Variants in GLDC observed in about 807,000 individuals in gnomAD.
GLDC encodes glycine decarboxylase, also known as glycine dehydrogenase (decarboxylating), mitochondrial.
Under a neutral mutation model 121.3 loss-of-function variants are expected in GLDC, and 104 were observed. The observed-to-expected ratio is 0.86, with a 90% CI of 0.73 to 1.01. The LOEUF is 1.01. GLDC is among the 50% of genes least tolerant of loss of function. The pLI is 0.00. For missense variants in GLDC, 1,429 were observed against 1,306.6 expected, an observed-to-expected ratio of 1.09 and a Z score of -1.44; for synonymous variants, 546 against 480.6, an observed-to-expected ratio of 1.14 and a Z score of -1.78.
intron 2 of GLDC, among the ~76,000 whole-genome samples, chr9:6,640,463 G>C (rs1276025772): frequency 6.6e-6 from 1 of 152,194 alleles, no homozygotes; most frequent in African/African-American, 2.4e-5. Context: ...CCCAACTAGG[G>C]TGACAAAGCC....
intron 15 of GLDC, among the ~76,000 whole-genome samples, chr9:6,585,331 G>A (rs764198198): frequency 2.0e-5 from 3 of 152,300 alleles, no homozygotes; most frequent in East Asian, 1.9e-4. Flanking sequence ...ACTAGAGGGC[G>A]AAATTTCTTA....
intron 6 of GLDC, 72 bp from the exon 7 acceptor site, chr9:6,604,856 ATCTT>A: frequency 8.1e-7 from 1 of 1,240,900 alleles, no homozygotes. Context: ...GTAGGAAATT[ATCTT>A]AACTACAGGA....
intron 1 of GLDC, 193 bp from the exon 2 acceptor site, chr9:6,644,885 C>T (rs181360342): frequency 3.1e-6 from 2 of 637,424 alleles, no homozygotes; most frequent in African/African-American, 3.7e-5. Context: ...GTGGAGATTC[C>T]GCCACTCGGG....
chr9:6,595,834 A>C (rs897173538), intron 8 of GLDC, among the ~76,000 whole-genome samples: 1 of 152,196 alleles, frequency 6.6e-6, no homozygotes, highest in Admixed American at 6.5e-5. Context: ...GTCTCTGCAA[A>C]ATACAGTTGA....
intron 15 of GLDC, 127 bp downstream of exon 15, chr9:6,587,014 G>A: frequency 1.3e-6 from 1 of 785,556 alleles, no homozygotes. Context: ...GCTCTCCCCA[G>A]TGGAGTGGAA....
At chr9:6,551,564 A>G (rs1480973736) in intron 20 of GLDC, among the ~76,000 whole-genome samples, 1 of 152,240 alleles carries the variant, frequency 6.6e-6, no homozygotes, top group Non-Finnish European at 1.5e-5. Context: ...AGAGAATGAG[A>G]GAGCACCAAA....
intron 11 of GLDC, among the ~76,000 whole-genome samples, chr9:6,590,966 A>C (rs1818364048): frequency 6.6e-6 from 1 of 152,192 alleles, no homozygotes; most frequent in African/African-American, 2.4e-5. Flanking sequence ...AGCACTCTGG[A>C]AGGTATTTCT....
intron 19 of GLDC, among the ~76,000 whole-genome samples, chr9:6,553,842 T>C (rs1272562509): frequency 1.3e-5 from 2 of 152,012 alleles, no homozygotes; most frequent in African/African-American, 2.4e-5. Context: ...TTTCCCAAGA[T>C]GGACATAGGA....
intron 16 of GLDC, among the ~76,000 whole-genome samples, chr9:6,561,863 G>A (rs947913378): frequency 2.0e-5 from 3 of 152,200 alleles, no homozygotes; most frequent in Non-Finnish European, 4.4e-5. Flanking sequence ...GAGATCTCCT[G>A]TGCAAGGGAA....
At chr9:6,588,595 G>C in intron 13 of GLDC, 23 bp downstream of exon 13, 1 of 1,583,044 alleles carries the variant, frequency 6.3e-7, no homozygotes, top group Non-Finnish European at 8.7e-7. Flanking sequence ...TTGGAAATGA[G>C]AAAAAAGGCC....
Position 6,621,978 on chromosome 9 carries a change from G to A in GLDC, c.335-1659C>T, listed in dbSNP as rs1658945. Among the ~76,000 whole-genome samples, 526 of 152,170 alleles carry A rather than the reference G, an allele frequency of 3.5e-3. 3 individuals are homozygous for A. Among genetic ancestry groups the A allele is most frequent in the African/African-American group, 0.012 (509 of 41,504 alleles). On this transcript the variant is annotated intron_variant, in intron 2 of 24. Transcript: ENST00000321612. Reference sequence around the variant, plus strand: ...TGGGGACTCAGTCACTTAACCCTGGGAATTGATTATTTTATTTTTCCTCTA... The same window carrying A: ...TGGGGACTCAGTCACTTAACCCTGGAAATTGATTATTTTATTTTTCCTCTA...
At position 6,547,511 on chromosome 9, in the gene GLDC, T is replaced by C. The variant is rs191533906; in HGVS notation, c.2569+3292A>G. 2.5e-3 allele frequency among the ~76,000 whole-genome samples: 385 copies of C among 152,316 alleles called. 2 individuals are homozygous for C. The highest frequency in any genetic ancestry group is 9.0e-3 in the African/African-American group (373 of 41,576). ...CTGTGTGATGGCCACTCTCATATGT[T>C]ATCACTGTGAGATAAATTGGCACAA... On this transcript the variant is annotated intron_variant, in intron 21 of 24. Coordinates refer to ENST00000321612, the MANE Select transcript of GLDC (RefSeq NM_000170.3).
At chr9:6,644,552 A>C in intron 2 of GLDC, 62 bp downstream of exon 2, 1 of 1,138,802 alleles carries the variant, frequency 8.8e-7, no homozygotes, top group Non-Finnish European at 1.3e-6. Flanking sequence ...ATTTTCAGGG[A>C]ACCACAAAAG....
At position 6,610,016 on chromosome 9, in the gene GLDC, C is replaced by G. The variant is rs145174045; in HGVS notation, c.635+176G>C. ...CCGGGTGGAGACACCAAGAAGGACC[C>G]TGAGAGGAAATATCCAACCTCTAGG... is the stretch of plus-strand genomic sequence containing the variant. On this transcript the variant is annotated intron_variant, in intron 4 of 24. Coordinates refer to ENST00000321612, the MANE Select transcript of GLDC (RefSeq NM_000170.3). Among the ~76,000 whole-genome samples the G allele has an allele frequency of 7.7e-3, 1,177 of 152,300 alleles. 18 individuals are homozygous for G. The highest frequency in any genetic ancestry group is 0.027 in the African/African-American group (1,125 of 41,556).
intron 15 of GLDC, among the ~76,000 whole-genome samples, chr9:6,578,854 C>T (rs1349958226): frequency 6.6e-6 from 1 of 152,162 alleles, no homozygotes; most frequent in East Asian, 1.9e-4. Context: ...TCCAGTTCTC[C>T]TTGTGATTCC....
chr9:6,641,564 AC>A (rs1208839027), intron 2 of GLDC, among the ~76,000 whole-genome samples: 1 of 152,180 alleles, frequency 6.6e-6, no homozygotes, highest in Non-Finnish European at 1.5e-5. Flanking sequence ...TCCATCACTT[AC>A]CAGCTATGAC....
intron 21 of GLDC, chr9:6,541,075 G>T (rs1817248412): frequency 6.6e-6 from 1 of 152,108 alleles, no homozygotes; most frequent in Non-Finnish European, 1.5e-5. Context: ...CTGGGTAATA[G>T]GGGCAAGACC....
chr9:6,610,098 A>G, intron 4 of GLDC, 94 bp downstream of exon 4: 1 of 969,120 alleles, frequency 1.0e-6, no homozygotes, highest in South Asian at 1.4e-5. Context: ...TAGAAAGCTG[A>G]CTAAAGTAAT....
chr9:6,622,967 G>A lies in GLDC; in HGVS notation c.335-2648C>T, dbSNP rs1350124690. On this transcript the variant is annotated intron_variant, in intron 2 of 24. Coordinates refer to ENST00000321612, the MANE Select transcript of GLDC (RefSeq NM_000170.3). ...TGGGAGGTGAGGAACGTCTCCGCCC[G>A]GCAGCCACCCCGTCCGGGAGGGAGG... is the stretch of plus-strand genomic sequence containing the variant. 9.3e-5 allele frequency: 18 copies of A among 192,976 alleles called. No homozygotes were observed. The East Asian group carries it at 1.3e-3, about 14-fold the overall frequency. 12.0% of individuals were successfully genotyped at this position (192,976 alleles called of 1,614,324 possible).
Sources: allele counts gnomAD v4.1 joint callset (sites outside exome capture counted in the v4.1 genomes callset), GRCh38; gene constraint gnomAD v4.1.1; transcripts MANE v1.5; gene names NCBI Gene and HGNC (gene_info 2026-07-23, HGNC 2026-07-21).